E4F1: variants seen among roughly 807,000 people sequenced by gnomAD.
E4F1 encodes transcription factor E4F1.
A neutral mutation model predicts 72.9 loss-of-function variants in E4F1; 30 were observed. The observed-to-expected ratio is 0.41, with a 90% CI of 0.31 to 0.56. The LOEUF is 0.56. E4F1 is among the 20% of genes least tolerant of loss of function. The pLI is 0.25. For missense variants in E4F1, 1,091 were observed against 1,117.5 expected (o/e 0.98, Z 0.34); for synonymous variants, 542 against 478.2 (o/e 1.13, Z -1.74).
In E4F1 at chr16:2,232,539, C is replaced by G. The variant is rs2093474117; in HGVS notation, c.693C>G (p.Thr231=). Residue 231 remains threonine, a synonymous_variant, in exon 5 of 14, where the codon ACC becomes ACG. Coordinates refer to ENST00000301727, the MANE Select transcript of E4F1 (RefSeq NM_004424.5). ...ECKLCGASFR[T]KGSLIRHHRR... ...AGCTCTGTGGGGCCTCCTTCCGCAC[C>G]AAGGGCTCACTCATCCGGCACCACC... 6.2e-7 allele frequency: 1 copy of G among 1,612,356 alleles called. No individual in the cohort carries two copies. Among genetic ancestry groups the G allele is most frequent in the Admixed American group, 1.7e-5 (1 of 59,958 alleles).
intron 1 of E4F1, among the ~76,000 whole-genome samples, chr16:2,226,323 TC>T (rs944336319): frequency 9.9e-5 from 15 of 152,112 alleles, no homozygotes; most frequent in African/African-American, 3.6e-4. Flanking sequence ...GCTGGGTGTG[TC>T]CCCTTCTGGG....
intron 1 of E4F1, among the ~76,000 whole-genome samples, chr16:2,225,847 G>A (rs530255666): frequency 6.7e-5 from 10 of 149,306 alleles, no homozygotes; most frequent in African/African-American, 2.5e-4. Flanking sequence ...TGTAATCCCA[G>A]CACTTTGGGA....
chr16:2,229,824 C>G (rs1170878189), intron 3 of E4F1, 149 bp downstream of exon 3: 4 of 775,744 alleles, frequency 5.2e-6, no homozygotes, highest in African/African-American at 3.4e-5. Context: ...TCTGCGGGCA[C>G]AGCCTGCAGG....
At chr16:2,232,694 G>T in intron 5 of E4F1, 62 bp from the exon 6 acceptor site, 1 of 1,608,586 alleles carries the variant, frequency 6.2e-7, no homozygotes, top group Non-Finnish European at 8.5e-7. Flanking sequence ...GCCTGCCTTC[G>T]CCTTGTCACC....
chr16:2,230,272 C>T (rs2093459372), intron 3 of E4F1: 1 of 155,020 alleles, frequency 6.5e-6, no homozygotes, highest in Non-Finnish European at 1.4e-5. Context: ...ATGTCTCTCT[C>T]CCTGATGTGC....
At chr16:2,227,544 T>A (rs899767704) in intron 1 of E4F1, among the ~76,000 whole-genome samples, 1 of 152,178 alleles carries the variant, frequency 6.6e-6, no homozygotes, top group Non-Finnish European at 1.5e-5. Context: ...GCTAAGTTTT[T>A]TGCATTTTTA....
Position 2,235,715 on chromosome 16 carries a change from G to A in E4F1, c.*143G>A. 1 of 705,876 alleles carries A rather than the reference G, an allele frequency of 1.4e-6. No individual in the cohort carries two copies. The highest frequency in any genetic ancestry group is 2.3e-6 in the Non-Finnish European group (1 of 442,892). 43.7% of individuals were successfully genotyped at this position (705,876 alleles called of 1,614,324 possible). On this transcript the variant is annotated 3_prime_UTR_variant, in exon 14 of 14. Coordinates refer to ENST00000301727, the MANE Select transcript of E4F1 (RefSeq NM_004424.5). ...ACAGTGTACATAAGAGTTTCTTGTTGCTTTACAATAAAACATGAGAACCTG... is the reference window on the plus strand; with the variant it reads ...ACAGTGTACATAAGAGTTTCTTGTTACTTTACAATAAAACATGAGAACCTG...
rs746572305 is a variant in E4F1 at position 2,232,382 on chromosome 16, G to A, written c.609+18G>A. 7 of 1,601,734 alleles carry A rather than the reference G, an allele frequency of 4.4e-6. No homozygotes were observed. The South Asian group carries it at 6.6e-5, about 15-fold the overall frequency. On this transcript the variant is annotated intron_variant, in intron 4 of 13. Coordinates refer to ENST00000301727, the MANE Select transcript of E4F1 (RefSeq NM_004424.5). ...TCAAGACGGTGAGCCGGCGTGCGGG[G>A]AGCCAGTGTGTGGGTGGCAGGCCCC... is the stretch of plus-strand genomic sequence containing the variant.
intron 1 of E4F1, among the ~76,000 whole-genome samples, chr16:2,226,181 A>C (rs1456570164): frequency 1.3e-5 from 2 of 151,958 alleles, no homozygotes; most frequent in Non-Finnish European, 2.9e-5. Flanking sequence ...CTTTGTCCCC[A>C]TAGGATTCAT....
At position 2,235,300 on chromosome 16, in the gene E4F1, A is replaced by G. The variant is rs769475965; in HGVS notation, c.2083A>G (p.Met695Val). The G allele has an allele frequency of 1.9e-6, 3 of 1,611,288 alleles. No individual in the cohort carries two copies. The highest frequency in any genetic ancestry group is 1.1e-5 in the South Asian group (1 of 91,082). Residue 695 changes from methionine (M) to valine (V), a missense_variant, in exon 14 of 14, where the codon ATG becomes GTG. This residue lies in a region of E4F1 where 622 missense variants were observed against 628.0 expected (regional missense o/e 0.99). Coordinates refer to ENST00000301727, the MANE Select transcript of E4F1 (RefSeq NM_004424.5). ...CCAGATCATCGTGCAGAACGTCACC[A>G]TGGACGAGGAGACGGCGCTGGGCCC... ...GHQIIVQNVT[M>V]DEETALGPEA...
chr16:2,232,764 C>A lies in E4F1; in HGVS notation c.739C>A (p.Pro247Thr). ...CTAGGTTCTCTCTGCAGATGAGCGC[C>A]CCTACAAGTGCTCCAAGTGTGGAAA... ...RHHRRHTDER[P>T]YKCSKCGKSF... is the part of the protein sequence containing the mutation. Residue 247 changes from proline to threonine, a missense_variant, in exon 6 of 14, where the codon CCC becomes ACC. By Grantham distance (38) the Pro-to-Thr change is conservative. Around this residue, in one of 5 missense-constraint regions of E4F1, gnomAD observed 362 missense variants for 358.6 expected, o/e 1.01. Transcript: ENST00000301727. The A allele has an allele frequency of 6.2e-7, 1 of 1,613,218 alleles. No homozygotes were observed. The highest frequency in any genetic ancestry group is 8.5e-7 in the Non-Finnish European group (1 of 1,179,994).
intron 3 of E4F1, chr16:2,229,991 C>T (rs1390726559): frequency 6.0e-6 from 2 of 335,576 alleles, no homozygotes; most frequent in East Asian, 6.4e-5. Context: ...TTCCCTGCCA[C>T]CCCCTGGTTC....
At position 2,233,902 on chromosome 16, in the gene E4F1, A is replaced by C. The variant is rs1271641961; in HGVS notation, c.1287A>C (p.Ser429=). 6.3e-7 allele frequency: 1 copy of C among 1,599,448 alleles called. No individual in the cohort carries two copies. The highest frequency in any genetic ancestry group is 1.3e-5 in the African/African-American group (1 of 74,640). Reference sequence around the variant, plus strand: ...CCCAGCAGGTGGCCAGCGAGGCCTCAGCGGTGCCCAGGACCCACCCATGTC... The same window carrying C: ...CCCAGCAGGTGGCCAGCGAGGCCTCCGCGGTGCCCAGGACCCACCCATGTC... ...PLETQVASEA[S]AVPRTHPCPQ... The change falls in exon 9 of 14, where the codon TCA becomes TCC. Residue 429 remains serine (S), a synonymous_variant. Transcript: ENST00000301727.
chr16:2,235,661 T>A lies in E4F1; in HGVS notation c.*89T>A. 8.5e-7 allele frequency: 1 copy of A among 1,175,920 alleles called. No homozygotes were observed. The highest frequency in any genetic ancestry group is 1.2e-6 in the Non-Finnish European group (1 of 852,712). 72.8% of individuals were successfully genotyped at this position (1,175,920 alleles called of 1,614,324 possible). ...TGCCTGCCTGGCCTGGTAGAGAAGA[T>A]GGCACAGGATGGAGGCGCCCCAAGA... On this transcript the variant is annotated 3_prime_UTR_variant, in exon 14 of 14. Transcript: ENST00000301727.
chr16:2,232,957 G>A, intron 6 of E4F1, 49 bp downstream of exon 6: 8 of 1,611,954 alleles, frequency 5.0e-6, no homozygotes, highest in African/African-American at 2.7e-5. Context: ...GGCTGTGGAC[G>A]CAGCCGCCAC....
chr16:2,234,585 C>T lies in E4F1; in HGVS notation c.1596C>T (p.Asn532=), dbSNP rs564942581. The part of the protein sequence containing the change: ...PKCGKRYKTK[N]AQQVHFRTHL... The stretch of plus-strand genomic sequence containing the variant: ...GGCACTGACAGGTGTCTCCACAGAA[C>T]GCACAGCAGGTGCACTTCAGGACAC... Residue 532 remains asparagine, a splice_region_variant and synonymous_variant, in exon 11 of 14, where the codon AAC becomes AAT. Coordinates refer to ENST00000301727, the MANE Select transcript of E4F1 (RefSeq NM_004424.5). 759 of 1,588,568 alleles carry T rather than the reference C, an allele frequency of 4.8e-4. 13 individuals carry two copies. In the South Asian group the frequency reaches 8.0e-3, roughly 17 times the overall value.
intron 1 of E4F1, among the ~76,000 whole-genome samples, chr16:2,225,154 A>G (rs543217345): frequency 5.3e-5 from 8 of 151,488 alleles, no homozygotes; most frequent in African/African-American, 1.9e-4. Context: ...CGGAGGTCGC[A>G]GTAAGCCGAG....
At chr16:2,223,976 C>T (rs1167762485) in intron 1 of E4F1, 4 of 1,506,754 alleles carry the variant, frequency 2.7e-6, no homozygotes, top group Non-Finnish European at 3.5e-6. Flanking sequence ...GCCTGTCATC[C>T]CCCCTCTCTG....
intron 1 of E4F1, among the ~76,000 whole-genome samples, chr16:2,225,536 C>T (rs2093426005): frequency 6.7e-6 from 1 of 150,100 alleles, no homozygotes; most frequent in Non-Finnish European, 1.5e-5. Flanking sequence ...TGCAATGGTG[C>T]GATCTCGGCT....
Sources: allele counts gnomAD v4.1 joint callset (sites outside exome capture counted in the v4.1 genomes callset), GRCh38; gene constraint gnomAD v4.1.1; regional missense constraint gnomAD v4.1.1; transcripts MANE v1.5; gene names NCBI Gene and HGNC (gene_info 2026-07-23, HGNC 2026-07-21).